KIF1B: variants seen among roughly 807,000 people sequenced by gnomAD.
KIF1B encodes kinesin-like protein KIF1B.
A neutral mutation model predicts 241.9 loss-of-function variants in KIF1B; 76 were observed. That is an observed-to-expected ratio of 0.31 (90% confidence interval 0.26 to 0.38). KIF1B has a LOEUF of 0.38. Among genes scored for constraint, KIF1B ranks in the 10% least tolerant of loss-of-function variants. KIF1B has a pLI of 1.00. For synonymous variants in KIF1B, 750 were observed against 796.7 expected, an observed-to-expected ratio of 0.94 and a Z score of 0.99; for missense variants, 1,622 against 2,271.4, an observed-to-expected ratio of 0.71 and a Z score of 5.81.
rs1536262 is a variant in KIF1B at position 10,378,629 on chromosome 1, C to A, written c.*2042C>A. Reference sequence around the variant, plus strand: ...GGCAGCTGGATGACTTCCCGCTTCACGCAGCAAAGGCCAGGGGCTTGCGCG... The same window carrying A: ...GGCAGCTGGATGACTTCCCGCTTCAAGCAGCAAAGGCCAGGGGCTTGCGCG... On this transcript the variant is annotated 3_prime_UTR_variant, in exon 49 of 49. Transcript: ENST00000676179. 1.7e-6 allele frequency: 1 copy of A among 576,046 alleles called. No homozygotes were observed. Among genetic ancestry groups the A allele is most frequent in the Non-Finnish European group, 3.1e-6 (1 of 322,276 alleles). 35.7% of individuals were successfully genotyped at this position (576,046 alleles called of 1,614,324 possible).
chr1:10,381,231 C>G lies in KIF1B; in HGVS notation c.*4644C>G, dbSNP rs997607032. Reference sequence around the variant, plus strand: ...GACTTTGTGGCTCTAAAGTACCTGTCTGTTGAGATTTCAAGTCTCTTGTCA... The same window carrying G: ...GACTTTGTGGCTCTAAAGTACCTGTGTGTTGAGATTTCAAGTCTCTTGTCA... On this transcript the variant is annotated 3_prime_UTR_variant, in exon 49 of 49. Transcript: ENST00000676179. 3 of 224,086 alleles carry G rather than the reference C, an allele frequency of 1.3e-5. No individual in the cohort carries two copies. The highest frequency in any genetic ancestry group is 6.7e-5 in the African/African-American group (3 of 44,764). The allele number at this position is 224,086 out of a possible 1,614,324, so 13.9% of individuals were successfully genotyped here.
At chr1:10,343,532 T>C (rs904229656) in intron 34 of KIF1B, among the ~76,000 whole-genome samples, 1 of 151,998 alleles carries the variant, frequency 6.6e-6, no homozygotes, top group African/African-American at 2.4e-5. Context: ...CCGAGGCAGG[T>C]GGATCACCTG....
intron 4 of KIF1B, among the ~76,000 whole-genome samples, chr1:10,260,382 G>A (rs562195665): frequency 6.6e-6 from 1 of 152,346 alleles, no homozygotes; most frequent in African/African-American, 2.4e-5. Flanking sequence ...GAGTAAATGT[G>A]AAGGCCTAGG....
intron 44 of KIF1B, among the ~76,000 whole-genome samples, chr1:10,369,789 G>C (rs150377153): frequency 0.016 from 2,482 of 151,864 alleles, 59 homozygotes; most frequent in African/African-American, 0.056. Context: ...AAAATTAGCC[G>C]GATATGGTGG....
intron 10 of KIF1B, chr1:10,275,033 G>A: frequency 6.2e-6 from 2 of 322,472 alleles, no homozygotes. Context: ...ATATGCTGAA[G>A]TGTTTAGGGG....
chr1:10,227,032 C>CTTTT (rs747870005), intron 1 of KIF1B, among the ~76,000 whole-genome samples: 18 of 112,940 alleles, frequency 1.6e-4, no homozygotes, highest in East Asian at 5.4e-4. Flanking sequence ...GCAAGTCTCT[C>CTTTT]TTTTTTTTTT....
chr1:10,371,148 A>T lies in KIF1B; in HGVS notation c.4832A>T (p.Asp1611Val), dbSNP rs1638721132. 5 of 1,613,900 alleles carry T rather than the reference A, an allele frequency of 3.1e-6. No individual in the cohort carries two copies. The highest frequency in any genetic ancestry group is 4.2e-6 in the Non-Finnish European group (5 of 1,180,008). The change falls in exon 45 of 49, where the codon GAT becomes GTT. Residue 1611 changes from aspartate (D) to valine (V), a missense_variant. By Grantham distance (152) the Asp-to-Val change is radical. Around this residue, in one of 7 missense-constraint regions of KIF1B, gnomAD observed 357 missense variants for 409.0 expected, o/e 0.87. Transcript: ENST00000676179. ...TGTTCGGTTTGCTTCCAGTTGTCTG[A>T]TATCTCTCCAATTGGACGGGATCCC... ...HGSVSDCKLS[D>V]ISPIGRDPSE...
At chr1:10,336,631 C>G (rs766373595) in intron 28 of KIF1B, 26 bp from the exon 29 acceptor site, 41 of 1,593,616 alleles carry the variant, frequency 2.6e-5, no homozygotes, top group Non-Finnish European at 3.4e-5. Context: ...TCACTCAATT[C>G]TTGCTAATTT....
chr1:10,271,260 C>T (rs2102212759), intron 7 of KIF1B, among the ~76,000 whole-genome samples: 1 of 152,030 alleles, frequency 6.6e-6, no homozygotes, highest in East Asian at 1.9e-4. Context: ...GCTTTGAACT[C>T]CTGGGCTCAA....
intron 37 of KIF1B, 112 bp from the exon 38 acceptor site, chr1:10,352,519 C>T: frequency 9.0e-6 from 8 of 886,928 alleles, no homozygotes; most frequent in Non-Finnish European, 1.5e-5. Flanking sequence ...ACCAAATGAC[C>T]CTTCCAGCTC....
At position 10,380,535 on chromosome 1, in the gene KIF1B, G is replaced by A. The variant is rs553404052; in HGVS notation, c.*3948G>A. ...AGCCTGGCCAACATGGTGAAACCCC[G>A]TCTCTACTAAAAATACAAAAAGTAG... is the stretch of plus-strand genomic sequence containing the variant. On this transcript the variant is annotated 3_prime_UTR_variant, in exon 49 of 49. Coordinates refer to ENST00000676179, the MANE Select transcript of KIF1B (RefSeq NM_001365951.3). 129 of 180,980 alleles carry A rather than the reference G, an allele frequency of 7.1e-4. 2 individuals carry two copies. The South Asian group carries it at 0.015, about 21-fold the overall frequency. The allele number at this position is 180,980 out of a possible 1,614,324, so 11.2% of individuals were successfully genotyped here. A position where few individuals can be genotyped will look rare whatever the true frequency, so the allele number is the denominator to read the frequency against.
At chr1:10,259,978 T>G (rs943633900) in intron 4 of KIF1B, among the ~76,000 whole-genome samples, 1 of 151,686 alleles carries the variant, frequency 6.6e-6, no homozygotes, top group Non-Finnish European at 1.5e-5. Context: ...AAAGATTAAG[T>G]GAGAAGATTG....
chr1:10,307,290 C>G, intron 22 of KIF1B: 1 of 1,016,456 alleles, frequency 9.8e-7, no homozygotes, highest in Non-Finnish European at 1.2e-6. Context: ...CTTGGTATGG[C>G]CCATATTACT....
chr1:10,272,557 C>T, intron 9 of KIF1B: 1 of 555,682 alleles, frequency 1.8e-6, no homozygotes, highest in Admixed American at 3.0e-5. Context: ...GAAGGTTTGA[C>T]TCATTTTTTT....
chr1:10,299,194 T>C (rs185961005), intron 22 of KIF1B: 3 of 151,862 alleles, frequency 2.0e-5, no homozygotes, highest in Admixed American at 2.0e-4. Flanking sequence ...GAGTTGGTGA[T>C]CATTCTGTGC....
intron 22 of KIF1B, 48 bp from the exon 23 acceptor site, chr1:10,319,995 T>G (rs1317519364): frequency 8.0e-7 from 1 of 1,246,458 alleles, no homozygotes; most frequent in South Asian, 1.2e-5. Flanking sequence ...TTCCCTGCCC[T>G]CTTATTTCTT....
intron 45 of KIF1B, among the ~76,000 whole-genome samples, chr1:10,372,661 G>GCTCTGTCACCCA: frequency 1.0e-3 from 126 of 120,528 alleles, no homozygotes; most frequent in African/African-American, 3.8e-3. Flanking sequence ...TTGGGTGACA[G>GCTCTGTCACCCA]AGCTGTCACC....
rs1429585334 is a variant in KIF1B at position 10,378,294 on chromosome 1, G to T, written c.*1707G>T. ...CTGGTGTGGAAACACTGCCCAGGGA[G>T]AAAGGAGGAAGCTCACTGTGGACAG... is the stretch of plus-strand genomic sequence containing the variant. On this transcript the variant is annotated 3_prime_UTR_variant, in exon 49 of 49. Transcript: ENST00000676179. 1.4e-6 allele frequency: 1 copy of T among 717,620 alleles called. No homozygotes were observed. The highest frequency in any genetic ancestry group is 2.6e-6 in the Non-Finnish European group (1 of 385,120). The allele number at this position is 717,620 out of a possible 1,614,324, so 44.5% of individuals were successfully genotyped here. A position where few individuals can be genotyped will look rare whatever the true frequency, so the allele number is the denominator to read the frequency against.
At chr1:10,219,242 A>AC (rs1183124928) in intron 1 of KIF1B, among the ~76,000 whole-genome samples, 1 of 151,136 alleles carries the variant, frequency 6.6e-6, no homozygotes. Flanking sequence ...CTGGTGCATC[A>AC]CTGAGGTTGG....
Sources: allele counts gnomAD v4.1 joint callset (sites outside exome capture counted in the v4.1 genomes callset), GRCh38; gene constraint gnomAD v4.1.1; regional missense constraint gnomAD v4.1.1; transcripts MANE v1.5; gene names NCBI Gene and HGNC (gene_info 2026-07-23, HGNC 2026-07-21).